Variants in RBFOX1 observed in about 807,000 individuals in gnomAD.
RBFOX1 encodes RNA binding protein fox-1 homolog 1.
A neutral mutation model predicts 57.7 loss-of-function variants in RBFOX1; 8 were observed. The ratio of observed to expected loss-of-function variants is 0.14; its 90% confidence interval spans 0.08 to 0.25. The LOEUF (loss-of-function observed/expected upper bound fraction) is 0.25, where lower values mean the gene tolerates loss of function less well. Ranked by LOEUF, RBFOX1 falls within the 10% of genes least tolerant of loss-of-function variation. RBFOX1 has a pLI of 1.00. For synonymous variants in RBFOX1, 326 were observed against 222.4 expected, an observed-to-expected ratio of 1.47 and a Z score of -4.15; for missense variants, 611 against 548.5, an observed-to-expected ratio of 1.11 and a Z score of -1.14.
In RBFOX1 at chr16:7,405,876, G is replaced by T. The variant is rs74012555; in HGVS notation, c.28-112271G>T. Among the ~76,000 whole-genome samples, 4 of 152,130 alleles carry T rather than the reference G, an allele frequency of 2.6e-5. No homozygotes were observed. The East Asian group carries it at 5.8e-4, about 22-fold the overall frequency. ...GTCCTAGGTCTGTGATTCTCAGGCA[G>T]TTGTGGCTCTGTGTCCCCAGGGTGC... On this transcript the variant is annotated intron_variant, in intron 4 of 15. Coordinates refer to ENST00000550418, the MANE Select transcript of RBFOX1 (RefSeq NM_018723.4).
At chr16:6,956,158 G>A (rs2081791519) in intron 3 of RBFOX1, among the ~76,000 whole-genome samples, 2 of 152,118 alleles carry the variant, frequency 1.3e-5, no homozygotes, top group Admixed American at 6.6e-5. Flanking sequence ...GCTAAGTCTG[G>A]GAAAAGATGG....
intron 1 of RBFOX1, among the ~76,000 whole-genome samples, chr16:5,394,245 A>G (rs2066488230): frequency 6.6e-6 from 1 of 152,104 alleles, no homozygotes; most frequent in Admixed American, 6.5e-5. Context: ...GCTGATCTCA[A>G]ACTCCTGAAC....
chr16:6,995,200 T>C (rs1049703741), intron 3 of RBFOX1, among the ~76,000 whole-genome samples: 2 of 151,914 alleles, frequency 1.3e-5, no homozygotes, highest in Non-Finnish European at 2.9e-5. Context: ...TAATGGGAAT[T>C]GGATGTAATG....
chr16:7,617,284 T>C (rs1301895602), intron 10 of RBFOX1, among the ~76,000 whole-genome samples: 2 of 152,192 alleles, frequency 1.3e-5, no homozygotes, highest in African/African-American at 2.4e-5. Context: ...ATAGACAATG[T>C]GTAAATAAAT....
intron 2 of RBFOX1, among the ~76,000 whole-genome samples, chr16:6,619,963 G>A (rs1395187982): frequency 1.3e-5 from 2 of 152,100 alleles, no homozygotes; most frequent in African/African-American, 4.8e-5. Flanking sequence ...AGGAATATTT[G>A]ATTTTCTGTT....
At chr16:6,656,629 C>CAT (rs1252459112) in intron 3 of RBFOX1, among the ~76,000 whole-genome samples, 1 of 150,510 alleles carries the variant, frequency 6.6e-6, no homozygotes. Context: ...CACACACACA[C>CAT]ACTTCTAGTT....
chr16:7,550,832 T>G (rs1259260964), intron 5 of RBFOX1, among the ~76,000 whole-genome samples: 1 of 151,948 alleles, frequency 6.6e-6, no homozygotes, highest in Non-Finnish European at 1.5e-5. Context: ...AGTGACTCAC[T>G]CCCATAATCC....
At chr16:6,479,908 G>C (rs1264735015) in intron 2 of RBFOX1, among the ~76,000 whole-genome samples, 1 of 151,636 alleles carries the variant, frequency 6.6e-6, no homozygotes, top group Non-Finnish European at 1.5e-5. Context: ...AAAATTAGTT[G>C]GGCATGGTGG....
intron 1 of RBFOX1, among the ~76,000 whole-genome samples, chr16:6,232,321 T>C (rs2097468686): frequency 6.6e-6 from 1 of 152,202 alleles, no homozygotes; most frequent in Admixed American, 6.5e-5. Context: ...ATTTATGGAA[T>C]TAGGGCTGGA....
At chr16:5,269,166 C>T (rs991002265) in intron 1 of RBFOX1, among the ~76,000 whole-genome samples, 2 of 152,246 alleles carry the variant, frequency 1.3e-5, no homozygotes. Context: ...ATACACCCAC[C>T]TTGGTCTCCC....
At chr16:6,265,414 A>T (rs144388701) in intron 1 of RBFOX1, among the ~76,000 whole-genome samples, 1 of 152,102 alleles carries the variant, frequency 6.6e-6, no homozygotes, top group African/African-American at 2.4e-5. Flanking sequence ...GGTGAGCACC[A>T]CCGTGCCCAG....
intron 4 of RBFOX1, among the ~76,000 whole-genome samples, chr16:7,377,927 T>C (rs1400640646): frequency 6.6e-6 from 1 of 151,640 alleles, no homozygotes; most frequent in African/African-American, 2.4e-5. Flanking sequence ...TTTAAGGAGG[T>C]GATGTTTTAG....
At chr16:6,500,371 C>G (rs1723829132) in intron 2 of RBFOX1, among the ~76,000 whole-genome samples, 1 of 152,164 alleles carries the variant, frequency 6.6e-6, no homozygotes, top group African/African-American at 2.4e-5. Context: ...CACACACACA[C>G]TCAGAGCTTC....
At chr16:6,862,134 C>G (rs1230426075) in intron 3 of RBFOX1, among the ~76,000 whole-genome samples, 1 of 152,096 alleles carries the variant, frequency 6.6e-6, no homozygotes, top group Non-Finnish European at 1.5e-5. Context: ...GCAACAATAA[C>G]AACAAAAGAG....
chr16:6,214,935 GGACA>G (rs2097325163), intron 1 of RBFOX1, among the ~76,000 whole-genome samples: 1 of 119,580 alleles, frequency 8.4e-6, no homozygotes. Context: ...AGAGGGAGAG[GGACA>G]GGGAGAGAGG....
At chr16:5,867,676 C>A (rs1204431652) in intron 4 of RBFOX1, among the ~76,000 whole-genome samples, 3 of 152,142 alleles carry the variant, frequency 2.0e-5, no homozygotes, top group African/African-American at 7.2e-5. Flanking sequence ...CATTCCTTCT[C>A]TTTTGGCTTT....
chr16:7,657,395 C>G (rs2066579033), intron 12 of RBFOX1, among the ~76,000 whole-genome samples: 2 of 152,214 alleles, frequency 1.3e-5, no homozygotes, highest in Admixed American at 1.3e-4. Context: ...ACCTCCACCT[C>G]CTGGGTTCAA....
chr16:6,803,258 A>C (rs1393710499), intron 3 of RBFOX1, among the ~76,000 whole-genome samples: 1 of 152,168 alleles, frequency 6.6e-6, no homozygotes, highest in Non-Finnish European at 1.5e-5. Flanking sequence ...TCTGCATGAA[A>C]GTGCAAACTT....
chr16:5,941,960 T>A (rs1006970955), intron 4 of RBFOX1, among the ~76,000 whole-genome samples: 4 of 151,676 alleles, frequency 2.6e-5, no homozygotes, highest in Non-Finnish European at 5.9e-5. Context: ...ACCATTGTTA[T>A]GGTATTTTTC....
Sources: allele counts gnomAD v4.1 joint callset (sites outside exome capture counted in the v4.1 genomes callset), GRCh38; gene constraint gnomAD v4.1.1; transcripts MANE v1.5; gene names NCBI Gene and HGNC (gene_info 2026-07-23, HGNC 2026-07-21).